The following HMGN3 variants were observed in gnomAD, a reference collection of about 807,000 sequenced individuals.
HMGN3 encodes high mobility group nucleosomal binding domain 3.
Under a neutral mutation model 18.8 loss-of-function variants are expected in HMGN3, and 6 were observed. That is an observed-to-expected ratio of 0.32 (90% CI 0.18 to 0.63). The LOEUF (loss-of-function observed/expected upper bound fraction) is 0.63. HMGN3 is among the 30% of genes least tolerant of loss of function. The pLI is 0.79. For synonymous variants in HMGN3, 40 were observed against 36.5 expected, an observed-to-expected ratio of 1.10 and a Z score of -0.35; for missense variants, 107 against 114.2, an observed-to-expected ratio of 0.94 and a Z score of 0.29.
intron 2 of HMGN3, among the ~76,000 whole-genome samples, chr6:79,211,011 C>CAA (rs59749044): frequency 0.42 from 37,492 of 89,364 alleles, 7,933 homozygotes; most frequent in East Asian, 0.65. Context: ...GAAATTAATG[C>CAA]AAAAAAAAAA....
In HMGN3 at chr6:79,231,958, A is replaced by G. The variant is rs374389116; in HGVS notation, c.15+2588T>C. ...CATTACAACAGGGCTAGGATTCCAG[A>G]TGTTTTCATTGACTTTATCTGTACC... On this transcript the variant is annotated intron_variant, in intron 1 of 5. Transcript: ENST00000344726. Among the ~76,000 whole-genome samples the G allele has an allele frequency of 2.0e-5, 3 of 152,208 alleles. No individual in the cohort carries two copies. The East Asian group carries it at 5.8e-4, about 29-fold the overall frequency.
intron 2 of HMGN3, among the ~76,000 whole-genome samples, chr6:79,211,023 A>G (rs1776661172): frequency 6.6e-6 from 1 of 151,566 alleles, no homozygotes; most frequent in Non-Finnish European, 1.5e-5. Flanking sequence ...AAAAAAAAAA[A>G]AAAAAAAAAA....
rs563723262 is a variant in HMGN3, at chr6:79,208,847, GA to G, written c.67-272del. Among the ~76,000 whole-genome samples, 395 of 152,298 alleles carry G rather than the reference GA, an allele frequency of 2.6e-3. 3 individuals are homozygous for G. Among genetic ancestry groups the G allele is most frequent in the Middle Eastern group, 0.017 (5 of 294 alleles). ...GGTGTGGTGAATAAGTAAGGGAAAT[GA>G]AGATCAACTTAGGCTTTATCCCAAA... On this transcript the variant is annotated intron_variant, in intron 2 of 5. Transcript: ENST00000344726.
At chr6:79,212,842 A>C (rs749289919) in intron 2 of HMGN3, among the ~76,000 whole-genome samples, 1 of 152,176 alleles carries the variant, frequency 6.6e-6, no homozygotes, top group Non-Finnish European at 1.5e-5. Flanking sequence ...AAAAAAAATC[A>C]ATCAATCAAT....
At chr6:79,221,019 T>C (rs1395006598) in intron 1 of HMGN3, among the ~76,000 whole-genome samples, 1 of 152,214 alleles carries the variant, frequency 6.6e-6, no homozygotes, top group Non-Finnish European at 1.5e-5. Context: ...AGGTATATTA[T>C]ATTATTTCCT....
chr6:79,217,529 G>T (rs1777053661), intron 1 of HMGN3, among the ~76,000 whole-genome samples: 1 of 152,188 alleles, frequency 6.6e-6, no homozygotes, highest in African/African-American at 2.4e-5. Context: ...CAATAAAAAA[G>T]ATCTTTAGTC....
chr6:79,217,500 T>C (rs1777051025), intron 1 of HMGN3, among the ~76,000 whole-genome samples: 1 of 152,194 alleles, frequency 6.6e-6, no homozygotes, highest in South Asian at 2.1e-4. Flanking sequence ...AAACTGTAAA[T>C]TGTTACACAG....
chr6:79,217,349 T>C lies in HMGN3; in HGVS notation c.16-2327A>G, dbSNP rs138098363. ...ACACCTGGTTTGAATCTTGGCTCTA[T>C]ACCTAGAAGCTGTACGATCTGGGAC... is the stretch of plus-strand genomic sequence containing the variant. On this transcript the variant is annotated intron_variant, in intron 1 of 5. Coordinates refer to ENST00000344726, the Ensembl canonical transcript of HMGN3. 2.5e-3 allele frequency among the ~76,000 whole-genome samples: 379 copies of C among 152,304 alleles called. 2 individuals carry two copies. Among genetic ancestry groups the C allele is most frequent in the African/African-American group, 8.5e-3 (355 of 41,552 alleles).
chr6:79,208,056 T>C (rs994586305), intron 3 of HMGN3, among the ~76,000 whole-genome samples: 2 of 152,064 alleles, frequency 1.3e-5, no homozygotes, highest in African/African-American at 4.8e-5. Context: ...CACAAGAATC[T>C]CCTGGCCCAC....
intron 3 of HMGN3, among the ~76,000 whole-genome samples, chr6:79,206,246 A>G (rs1776414665): frequency 6.6e-6 from 1 of 152,212 alleles, no homozygotes; most frequent in South Asian, 2.1e-4. Flanking sequence ...TATGCACAAG[A>G]CAATGGGAAA....
intron 4 of HMGN3, 109 bp downstream of exon 4, chr6:79,203,471 G>C: frequency 4.2e-6 from 4 of 951,722 alleles, no homozygotes; most frequent in Non-Finnish European, 6.7e-6. Flanking sequence ...AGTGGTAATG[G>C]TTTCAGTTTG....
intron 1 of HMGN3, among the ~76,000 whole-genome samples, chr6:79,221,513 T>C (rs1193872969): frequency 6.6e-6 from 1 of 152,212 alleles, no homozygotes; most frequent in African/African-American, 2.4e-5. Flanking sequence ...TTTTATTCCA[T>C]AGGCCATCCA....
chr6:79,204,796 A>C (rs1233924054), intron 3 of HMGN3, among the ~76,000 whole-genome samples: 1 of 152,192 alleles, frequency 6.6e-6, no homozygotes, highest in East Asian at 1.9e-4. Flanking sequence ...ATCGAGCTTG[A>C]AAAGTTAAGA....
At chr6:79,203,833 G>A (rs1776272119) in intron 3 of HMGN3, among the ~76,000 whole-genome samples, 1 of 152,202 alleles carries the variant, frequency 6.6e-6, no homozygotes, top group African/African-American at 2.4e-5. Flanking sequence ...GGGTTCACAA[G>A]GGAACTGCAG....
intron 1 of HMGN3, among the ~76,000 whole-genome samples, chr6:79,221,843 T>C (rs1777301292): frequency 6.6e-6 from 1 of 152,134 alleles, no homozygotes; most frequent in African/African-American, 2.4e-5. Context: ...CAGCACAGTG[T>C]TGGACCTTTC....
At chr6:79,209,847 G>GA (rs1776599363) in intron 2 of HMGN3, among the ~76,000 whole-genome samples, 1 of 152,184 alleles carries the variant, frequency 6.6e-6, no homozygotes, top group Non-Finnish European at 1.5e-5. Context: ...AGAAGGAAAC[G>GA]AAGGGCCAGA....
chr6:79,207,091 A>C (rs553313909), intron 3 of HMGN3, among the ~76,000 whole-genome samples: 3 of 152,338 alleles, frequency 2.0e-5, no homozygotes, highest in African/African-American at 7.2e-5. Flanking sequence ...TTACAGGCTC[A>C]CAAGTGGAAG....
chr6:79,214,539 A>C (rs1776873584), intron 2 of HMGN3, among the ~76,000 whole-genome samples: 1 of 152,166 alleles, frequency 6.6e-6, no homozygotes, highest in East Asian at 1.9e-4. Flanking sequence ...TCTCAGGCAA[A>C]ATATTCAGAA....
At chr6:79,207,700 T>G (rs1776488537) in intron 3 of HMGN3, among the ~76,000 whole-genome samples, 1 of 152,240 alleles carries the variant, frequency 6.6e-6, no homozygotes, top group Non-Finnish European at 1.5e-5. Flanking sequence ...CCATTTTTGC[T>G]TTGATTCCTT....
Sources: gnomAD v4.1 joint callset for allele counts (sites outside exome capture counted in the v4.1 genomes callset) on GRCh38, gnomAD v4.1.1 for gene constraint, MANE v1.5 for transcripts, NCBI Gene and HGNC (gene_info 2026-07-23, HGNC 2026-07-21) for gene names.